IL1RAPL2: variants seen among roughly 807,000 people sequenced by gnomAD.
IL1RAPL2 encodes the protein interleukin 1 receptor accessory protein like 2, also known as X-linked interleukin-1 receptor accessory protein-like 2.
A neutral mutation model predicts 44.1 loss-of-function variants in IL1RAPL2; 3 were observed. The observed-to-expected ratio is 0.07, with a 90% confidence interval of 0.03 to 0.18. IL1RAPL2 has a LOEUF of 0.18. Among genes scored for constraint, IL1RAPL2 ranks in the 10% least tolerant of loss-of-function variants. IL1RAPL2 has a pLI of 1.00. For missense variants in IL1RAPL2, 391 were observed against 496.4 expected (o/e 0.79, Z 2.02); for synonymous variants, 181 against 178.8 (o/e 1.01, Z -0.10).
At chrX:105,246,267 A>G (rs143989286) in intron 4 of IL1RAPL2, among the ~76,000 whole-genome samples, 2 of 112,310 alleles carry the variant, frequency 1.8e-5, no homozygotes, top group East Asian at 5.7e-4. Flanking sequence ...AAATTACAAA[A>G]CTAAATAAGA....
chrX:104,928,704 T>A (rs975787876), intron 2 of IL1RAPL2, among the ~76,000 whole-genome samples: 1 of 111,030 alleles, frequency 9.0e-6, no homozygotes, highest in Non-Finnish European at 1.9e-5. Flanking sequence ...TGATGGTAAT[T>A]GGGAACCATT....
intron 2 of IL1RAPL2, among the ~76,000 whole-genome samples, chrX:105,084,180 G>A (rs1602945943): frequency 8.9e-6 from 1 of 112,637 alleles, no homozygotes; most frequent in East Asian, 2.8e-4. Flanking sequence ...AAAAATGTAG[G>A]GTAGGATTCC....
chrX:104,690,710 T>C (rs1427498148), intron 2 of IL1RAPL2, among the ~76,000 whole-genome samples: 1 of 112,392 alleles, frequency 8.9e-6, no homozygotes, highest in East Asian at 2.8e-4. Flanking sequence ...CAGTTGGTTC[T>C]GGCATCTTTA....
At chrX:105,157,792 A>G (rs2033281885) in intron 2 of IL1RAPL2, among the ~76,000 whole-genome samples, 2 of 112,413 alleles carry the variant, frequency 1.8e-5, no homozygotes, top group African/African-American at 6.5e-5. Context: ...AATGGTTAGG[A>G]TTTCAGGAAT....
intron 1 of IL1RAPL2, among the ~76,000 whole-genome samples, chrX:104,632,449 C>T (rs1167642753): frequency 1.8e-5 from 2 of 111,491 alleles, no homozygotes; most frequent in Non-Finnish European, 3.8e-5. Context: ...GCCATTTTCA[C>T]GATATTGATT....
chrX:104,959,040 G>A (rs2029953941), intron 2 of IL1RAPL2, among the ~76,000 whole-genome samples: 1 of 111,428 alleles, frequency 9.0e-6, no homozygotes, highest in African/African-American at 3.3e-5. Context: ...GTCTGTGGAT[G>A]TAGGGAGTTT....
At chrX:104,775,755 G>A (rs367808453) in intron 2 of IL1RAPL2, among the ~76,000 whole-genome samples, 1 of 111,387 alleles carries the variant, frequency 9.0e-6, no homozygotes, top group African/African-American at 3.3e-5. Context: ...GCCATACAAG[G>A]GAATCCTGGC....
At position 105,767,555 on chromosome X, in the gene IL1RAPL2, A is replaced by G. The variant is rs756159551; in HGVS notation, c.1955A>G (p.Gln652Arg). The G allele has an allele frequency of 9.1e-6, 11 of 1,208,320 alleles. No homozygotes were observed. The highest frequency in any genetic ancestry group is 1.2e-5 in the Non-Finnish European group (11 of 893,883). ...CTGCCTCTGACGCTACTCAACGGACAGCTACCCCTTAATAACACCCTGAAA... is the reference window on the plus strand; with the variant it reads ...CTGCCTCTGACGCTACTCAACGGACGGCTACCCCTTAATAACACCCTGAAA... Reference protein sequence around the residue: ...CNLPLTLLNGQLPLNNTLKDT... With the variant: ...CNLPLTLLNGRLPLNNTLKDT... The change falls in exon 11 of 11, where the codon CAG (glutamine) becomes CGG (arginine). Residue 652 changes from glutamine (Q) to arginine (R), a missense_variant. By Grantham distance (43) the Gln-to-Arg change is conservative. Transcript: ENST00000372582.
At chrX:105,661,000 TA>T (rs1051344929) in intron 6 of IL1RAPL2, among the ~76,000 whole-genome samples, 2 of 108,484 alleles carry the variant, frequency 1.8e-5, no homozygotes, top group Admixed American at 9.8e-5. Context: ...TGGATAGATT[TA>T]AAAAAAAACA....
At chrX:105,342,762 A>G (rs2035081283) in intron 5 of IL1RAPL2, among the ~76,000 whole-genome samples, 1 of 112,248 alleles carries the variant, frequency 8.9e-6, no homozygotes, top group African/African-American at 3.2e-5. Flanking sequence ...TTTATTATTT[A>G]TTTAATCTCA....
intron 2 of IL1RAPL2, among the ~76,000 whole-genome samples, chrX:104,886,237 T>G (rs1025009484): frequency 8.9e-6 from 1 of 112,376 alleles, no homozygotes; most frequent in Non-Finnish European, 1.9e-5. Flanking sequence ...GGGAGGGATA[T>G]ATTAGCCAAA....
At chrX:105,209,917 A>C (rs1397820266) in intron 3 of IL1RAPL2, among the ~76,000 whole-genome samples, 1 of 111,385 alleles carries the variant, frequency 9.0e-6, no homozygotes, top group Non-Finnish European at 1.9e-5. Context: ...CTTCCTTTCT[A>C]GTGCCCCCTC....
intron 2 of IL1RAPL2, among the ~76,000 whole-genome samples, chrX:105,091,520 C>A (rs758821535): frequency 3.6e-5 from 4 of 110,781 alleles, no homozygotes; most frequent in African/African-American, 6.6e-5. Flanking sequence ...TGAGAAAAAC[C>A]CTAGCCCAAA....
intron 2 of IL1RAPL2, among the ~76,000 whole-genome samples, chrX:104,967,655 C>T (rs1050209786): frequency 5.4e-5 from 6 of 110,285 alleles, no homozygotes; most frequent in African/African-American, 2.0e-4. Flanking sequence ...AATAGTAGGA[C>T]GTGTACATAC....
chrX:104,810,944 C>T (rs1004015131), intron 2 of IL1RAPL2, among the ~76,000 whole-genome samples: 5 of 111,958 alleles, frequency 4.5e-5, no homozygotes, highest in Non-Finnish European at 7.5e-5. Context: ...TATACCCACC[C>T]ATTTTTTCTT....
At chrX:104,666,871 C>T (rs1021884344) in intron 2 of IL1RAPL2, among the ~76,000 whole-genome samples, 1 of 112,047 alleles carries the variant, frequency 8.9e-6, no homozygotes, top group Non-Finnish European at 1.9e-5. Flanking sequence ...CTTTCCTAGT[C>T]TATGAGAAGG....
chrX:105,058,137 G>A (rs988277223), intron 2 of IL1RAPL2, among the ~76,000 whole-genome samples: 2 of 109,838 alleles, frequency 1.8e-5, no homozygotes, highest in Non-Finnish European at 3.8e-5. Flanking sequence ...ATTTTCAGTA[G>A]AGATGGGGTT....
chrX:104,746,634 A>C (rs183534022), intron 2 of IL1RAPL2, among the ~76,000 whole-genome samples: 29 of 111,497 alleles, frequency 2.6e-4, no homozygotes, highest in African/African-American at 7.8e-4. Flanking sequence ...TTTTTTTCTG[A>C]ATATTGTTCT....
intron 2 of IL1RAPL2, among the ~76,000 whole-genome samples, chrX:104,983,819 C>G (rs868474223): frequency 9.3e-6 from 1 of 107,738 alleles, no homozygotes; most frequent in Non-Finnish European, 1.9e-5. Context: ...GGCTATACAG[C>G]CATTTTACTT....
Sources: gnomAD v4.1 joint callset for allele counts (sites outside exome capture counted in the v4.1 genomes callset) on GRCh38, gnomAD v4.1.1 for gene constraint, MANE v1.5 for transcripts, NCBI Gene and HGNC (gene_info 2026-07-23, HGNC 2026-07-21) for gene names.